Variants in PDE7B observed in about 807,000 individuals in gnomAD.
The protein encoded by PDE7B is phosphodiesterase 7B.
A neutral mutation model predicts 56.2 loss-of-function variants in PDE7B; 29 were observed. The observed-to-expected ratio is 0.52, with a 90% CI of 0.38 to 0.70. PDE7B has a LOEUF of 0.70. Ranked by LOEUF, PDE7B falls within the 30% of genes least tolerant of loss-of-function variation. PDE7B has a pLI of 0.00. For synonymous variants in PDE7B, 197 were observed against 196.9 expected (o/e 1.00, Z 0.00); for missense variants, 490 against 565.0 (o/e 0.87, Z 1.35).
intron 12 of PDE7B, among the ~76,000 whole-genome samples, chr6:136,190,246 C>G (rs754819832): frequency 2.4e-4 from 36 of 152,142 alleles, no homozygotes; most frequent in Non-Finnish European, 4.7e-4. Flanking sequence ...ACAACCTTAC[C>G]AAAATTCCAA....
chr6:136,098,703 G>A (rs895284893), intron 2 of PDE7B, among the ~76,000 whole-genome samples: 3 of 151,768 alleles, frequency 2.0e-5, no homozygotes, highest in Admixed American at 6.6e-5. Context: ...ACTGTCTTCT[G>A]GATTGTTAAT....
At chr6:135,889,909 C>T (rs892905379) in intron 1 of PDE7B, among the ~76,000 whole-genome samples, 1 of 148,040 alleles carries the variant, frequency 6.8e-6, no homozygotes, top group African/African-American at 2.5e-5. Flanking sequence ...CCCACCACCA[C>T]GCCCAGCTAA....
At chr6:135,871,774 C>T (rs1481895257) in intron 1 of PDE7B, among the ~76,000 whole-genome samples, 1 of 41,278 alleles carries the variant, frequency 2.4e-5, no homozygotes, top group African/African-American at 6.2e-5. Flanking sequence ...TAGGTGTATA[C>T]ACACACACAC....
At position 136,166,994 on chromosome 6, in the gene PDE7B, C is replaced by T. The variant is rs181182117; in HGVS notation, c.712-6803C>T. ...TCATGTCTTCATACTTCCCCTCTCT[C>T]GCTGTGCATTGACCTCACAGCTGTT... On this transcript the variant is annotated intron_variant, in intron 8 of 12. Transcript: ENST00000308191. Among the ~76,000 whole-genome samples the T allele has an allele frequency of 1.1e-4, 16 of 152,318 alleles. No homozygotes were observed. In the East Asian group the frequency reaches 2.9e-3, roughly 28 times the overall value.
intron 3 of PDE7B, among the ~76,000 whole-genome samples, chr6:136,129,794 G>C (rs1778085121): frequency 1.3e-5 from 2 of 152,206 alleles, no homozygotes; most frequent in Admixed American, 1.3e-4. Flanking sequence ...TCCACCTTCT[G>C]CTTCTCTCTG....
chr6:136,156,168 T>A (rs1041584030), intron 8 of PDE7B: 8 of 293,098 alleles, frequency 2.7e-5, no homozygotes, highest in Admixed American at 1.3e-4. Context: ...TCCAAGTGTG[T>A]GTGTGTGTGT....
At position 135,993,524 on chromosome 6, in the gene PDE7B, T is replaced by A. The variant is rs534098873; in HGVS notation, c.82+46000T>A. 5.9e-5 allele frequency among the ~76,000 whole-genome samples: 9 copies of A among 152,216 alleles called. No homozygotes were observed. The South Asian group carries it at 1.9e-3, about 32-fold the overall frequency. ...TACAGCTGAGAAGGCAGCAAGACTG[T>A]TATAAGCTGGCACAGAAGCAGCCTT... On this transcript the variant is annotated intron_variant, in intron 2 of 12. Transcript: ENST00000308191.
intron 1 of PDE7B, among the ~76,000 whole-genome samples, chr6:135,899,534 G>T (rs1054862969): frequency 2.0e-5 from 3 of 151,666 alleles, no homozygotes; most frequent in African/African-American, 7.3e-5. Flanking sequence ...GTGATTACTT[G>T]TATGAGTAAA....
intron 2 of PDE7B, among the ~76,000 whole-genome samples, chr6:136,013,514 G>C (rs1397271235): frequency 6.6e-6 from 1 of 152,240 alleles, no homozygotes; most frequent in South Asian, 2.1e-4. Context: ...GACAAGATAA[G>C]CATGCTGTTA....
chr6:136,002,564 A>G (rs952416785), intron 2 of PDE7B, among the ~76,000 whole-genome samples: 5 of 152,222 alleles, frequency 3.3e-5, no homozygotes, highest in African/African-American at 1.2e-4. Context: ...GTCTCTGATA[A>G]AACAGACCTG....
intron 2 of PDE7B, among the ~76,000 whole-genome samples, chr6:135,970,154 A>G (rs1039997073): frequency 3.9e-5 from 6 of 152,202 alleles, no homozygotes; most frequent in African/African-American, 1.4e-4. Context: ...TGGGTCTCAT[A>G]AAGTTTACAC....
At chr6:135,952,325 A>T (rs1774716451) in intron 2 of PDE7B, among the ~76,000 whole-genome samples, 1 of 152,218 alleles carries the variant, frequency 6.6e-6, no homozygotes, top group African/African-American at 2.4e-5. Context: ...AAACATATGA[A>T]TATAAGGACA....
intron 2 of PDE7B, among the ~76,000 whole-genome samples, chr6:136,006,574 A>T (rs1309692781): frequency 6.6e-6 from 1 of 151,856 alleles, no homozygotes; most frequent in Non-Finnish European, 1.5e-5. Context: ...TGTTTGTCAT[A>T]TCTAGTTTCT....
chr6:136,109,195 G>C (rs1402331932), intron 3 of PDE7B, among the ~76,000 whole-genome samples: 1 of 152,150 alleles, frequency 6.6e-6, no homozygotes, highest in Non-Finnish European at 1.5e-5. Context: ...AAATTAGCTG[G>C]GTATGGTGGC....
intron 2 of PDE7B, among the ~76,000 whole-genome samples, chr6:136,003,616 T>G (rs1170690224): frequency 2.6e-5 from 4 of 152,250 alleles, no homozygotes; most frequent in Non-Finnish European, 4.4e-5. Context: ...AATGGATAAA[T>G]TCCTGGACAC....
chr6:135,914,220 T>C (rs1025797242), intron 1 of PDE7B, among the ~76,000 whole-genome samples: 13 of 152,174 alleles, frequency 8.5e-5, no homozygotes, highest in African/African-American at 2.4e-4. Context: ...TTCATTGACA[T>C]ATAATTTATA....
intron 11 of PDE7B, among the ~76,000 whole-genome samples, chr6:136,183,595 CAAAAAAA>C (rs59123124): frequency 3.0e-5 from 2 of 66,230 alleles, no homozygotes; most frequent in East Asian, 9.7e-4. Flanking sequence ...GACTCTGTCT[CAAAAAAA>C]AAAAAAAAAA....
chr6:135,999,232 C>T (rs1775623890), intron 2 of PDE7B, among the ~76,000 whole-genome samples: 1 of 152,152 alleles, frequency 6.6e-6, no homozygotes, highest in Non-Finnish European at 1.5e-5. Context: ...TCACAGGCTT[C>T]ATAAGCTATA....
At chr6:135,976,381 A>C (rs1775188223) in intron 2 of PDE7B, among the ~76,000 whole-genome samples, 1 of 152,154 alleles carries the variant, frequency 6.6e-6, no homozygotes, top group Non-Finnish European at 1.5e-5. Flanking sequence ...TCAAGGGTCA[A>C]TTGTACTGTT....
Sources: allele counts gnomAD v4.1 joint callset (sites outside exome capture counted in the v4.1 genomes callset), GRCh38; gene constraint gnomAD v4.1.1; transcripts MANE v1.5; gene names NCBI Gene and HGNC (gene_info 2026-07-23, HGNC 2026-07-21).